The following CACNA1C variants were observed in gnomAD, a reference collection of about 807,000 sequenced individuals.
CACNA1C encodes voltage-dependent L-type calcium channel subunit alpha-1C.
In CACNA1C, 30 loss-of-function variants were observed where a neutral mutation model predicts 229.0. That is an observed-to-expected ratio of 0.13 (90% CI 0.10 to 0.18). The LOEUF (loss-of-function observed/expected upper bound fraction) is 0.18. CACNA1C is among the 10% of genes least tolerant of loss of function. CACNA1C has a pLI of 1.00. For missense variants in CACNA1C, 1,658 were observed against 2,845.0 expected (o/e 0.58, Z 9.49); for synonymous variants, 1,114 against 1,132.5 (o/e 0.98, Z 0.33).
intron 3 of CACNA1C, among the ~76,000 whole-genome samples, chr12:2,352,074 C>G (rs891878561): frequency 6.6e-6 from 1 of 152,222 alleles, no homozygotes; most frequent in Non-Finnish European, 1.5e-5. Flanking sequence ...CACCCTGTCC[C>G]TAGAGCCACA....
intron 15 of CACNA1C, among the ~76,000 whole-genome samples, chr12:2,583,733 G>A (rs1308252023): frequency 6.6e-6 from 1 of 152,180 alleles, no homozygotes; most frequent in African/African-American, 2.4e-5. Flanking sequence ...CTACATAAAG[G>A]GTCGTTGGGA....
chr12:2,681,923 A>G (rs1313384882), intron 42 of CACNA1C: 2 of 1,315,894 alleles, frequency 1.5e-6, no homozygotes, highest in South Asian at 2.4e-5. Flanking sequence ...GTCCAGAGCT[A>G]AAGATGACCT....
chr12:2,162,273 CT>C (rs1308020039), intron 3 of CACNA1C, among the ~76,000 whole-genome samples: 1 of 151,910 alleles, frequency 6.6e-6, no homozygotes, highest in Non-Finnish European at 1.5e-5. Context: ...CATTCGAGGC[CT>C]CCCTGTCCCC....
intron 1 of CACNA1C, among the ~76,000 whole-genome samples, chr12:2,019,377 T>C (rs2045976887): frequency 6.6e-6 from 1 of 151,970 alleles, no homozygotes; most frequent in Admixed American, 6.6e-5. Context: ...GGCAGATCAC[T>C]TGAGCCCAGG....
At chr12:2,538,041 A>G (rs1239801876) in intron 9 of CACNA1C, among the ~76,000 whole-genome samples, 3 of 151,904 alleles carry the variant, frequency 2.0e-5, no homozygotes, top group Non-Finnish European at 2.9e-5. Context: ...GTGGTGCCCT[A>G]ATGGTGGAGA....
chr12:2,263,288 C>T (rs565966047), intron 3 of CACNA1C, among the ~76,000 whole-genome samples: 5 of 149,990 alleles, frequency 3.3e-5, no homozygotes, highest in South Asian at 4.3e-4. Flanking sequence ...GTATGCCCAG[C>T]GTGTCTGGGA....
Position 2,584,528 on chromosome 12 carries a change from C to T in CACNA1C, c.2250C>T (p.Ala750=). 6.2e-7 allele frequency: 1 copy of T among 1,613,490 alleles called. No individual in the cohort carries two copies. Among genetic ancestry groups the T allele is most frequent in the Non-Finnish European group, 8.5e-7 (1 of 1,179,460 alleles). The change falls in exon 16 of 47, where the codon GCC becomes GCT. Residue 750 remains alanine, a synonymous_variant. Coordinates refer to ENST00000399655, the MANE Select transcript of CACNA1C (RefSeq NM_000719.7). ...ATATCCTACTGAATGTGTTCTTGGC[C>T]ATTGCTGTGGACAACCTGGCTGATG... ...GNYILLNVFL[A]IAVDNLADAE... is the part of the protein sequence containing the mutation.
chr12:2,242,664 T>C (rs2071047382), intron 3 of CACNA1C, among the ~76,000 whole-genome samples: 1 of 152,256 alleles, frequency 6.6e-6, no homozygotes, highest in African/African-American at 2.4e-5. Flanking sequence ...CTGCTCCTAG[T>C]TAGTGAAGCA....
At chr12:2,174,944 G>A (rs2096602986) in intron 3 of CACNA1C, among the ~76,000 whole-genome samples, 2 of 152,158 alleles carry the variant, frequency 1.3e-5, no homozygotes, top group South Asian at 4.2e-4. Context: ...TGAGCAGACT[G>A]AGGAAGAGAA....
intron 3 of CACNA1C, among the ~76,000 whole-genome samples, chr12:2,193,813 A>G (rs1056550817): frequency 1.3e-5 from 2 of 152,130 alleles, no homozygotes; most frequent in East Asian, 3.9e-4. Context: ...GCCAGTCTTT[A>G]TTTTCTACCT....
At chr12:2,227,154 C>T (rs1387307628) in intron 3 of CACNA1C, among the ~76,000 whole-genome samples, 1 of 152,212 alleles carries the variant, frequency 6.6e-6, no homozygotes, top group Non-Finnish European at 1.5e-5. Flanking sequence ...ATCATCCCCT[C>T]CTGACTTTAG....
chr12:1,984,177 C>T (rs2036965653), intron 1 of CACNA1C, among the ~76,000 whole-genome samples: 1 of 151,958 alleles, frequency 6.6e-6, no homozygotes, highest in South Asian at 2.1e-4. Flanking sequence ...CTTTTTTAAT[C>T]CAATCTGGCA....
At chr12:2,450,874 G>A (rs1296494998) in intron 4 of CACNA1C, among the ~76,000 whole-genome samples, 8 of 152,136 alleles carry the variant, frequency 5.3e-5, no homozygotes, top group African/African-American at 9.7e-5. Context: ...AGCACCCGCC[G>A]TTCACCATCT....
chr12:2,427,900 G>A (rs1350910275), intron 3 of CACNA1C, among the ~76,000 whole-genome samples: 6 of 152,136 alleles, frequency 3.9e-5, no homozygotes, highest in South Asian at 2.1e-4. Flanking sequence ...GATTACAGGC[G>A]TGAGCCACCG....
chr12:2,585,115 A>G lies in CACNA1C; in HGVS notation c.2340-261A>G, dbSNP rs2061937016. 6.6e-6 allele frequency among the ~76,000 whole-genome samples: 1 copy of G among 152,186 alleles called. No individual in the cohort carries two copies. Among genetic ancestry groups the G allele is most frequent in the Non-Finnish European group, 1.5e-5 (1 of 68,028 alleles). On this transcript the variant is annotated intron_variant, in intron 16 of 46. Transcript: ENST00000399655. This position sits in a 1 kb window ranked among gnomAD's most constrained non-coding sequence, Gnocchi z 4.1. ...GAGCCAATCCTAGATGAGATCCACC[A>G]TCCTTTTCTGCTTTGGCGACCCAGG...
chr12:2,413,602 T>G (rs991251943), intron 3 of CACNA1C, among the ~76,000 whole-genome samples: 1 of 152,324 alleles, frequency 6.6e-6, no homozygotes, highest in Middle Eastern at 3.4e-3. Context: ...GCTGCAAAAC[T>G]GCTGTGTTTG....
rs377701416 is a variant in CACNA1C, at chr12:2,404,825, G to T, written c.478-44151G>T. On this transcript the variant is annotated intron_variant, in intron 3 of 46. Coordinates refer to ENST00000399655, the MANE Select transcript of CACNA1C (RefSeq NM_000719.7). Reference sequence around the variant, plus strand: ...GATTTTTTTTGTGGCTTTTCTTTGTGAAGAGTTAAGCATGAAGGACCGAGG... The same window carrying T: ...GATTTTTTTTGTGGCTTTTCTTTGTTAAGAGTTAAGCATGAAGGACCGAGG... 1.7e-3 allele frequency among the ~76,000 whole-genome samples: 258 copies of T among 152,318 alleles called. 1 individual carries two copies. The highest frequency in any genetic ancestry group is 6.0e-3 in the African/African-American group (248 of 41,564).
intron 7 of CACNA1C, among the ~76,000 whole-genome samples, chr12:2,503,611 G>T (rs773393933): frequency 7.2e-5 from 11 of 152,324 alleles, no homozygotes; most frequent in Non-Finnish European, 1.5e-4. Flanking sequence ...ACCATGGTCA[G>T]TTTCAAGCTG....
intron 21 of CACNA1C, among the ~76,000 whole-genome samples, chr12:2,600,213 C>T (rs936082038): frequency 2.0e-5 from 3 of 152,152 alleles, no homozygotes; most frequent in African/African-American, 7.2e-5. Flanking sequence ...CAGCTCTTCA[C>T]CAAGAGGCAG....
Sources: allele counts gnomAD v4.1 joint callset (sites outside exome capture counted in the v4.1 genomes callset), GRCh38; gene constraint gnomAD v4.1.1; non-coding constraint Gnocchi (gnomAD v3.1); transcripts MANE v1.5; gene names NCBI Gene and HGNC (gene_info 2026-07-23, HGNC 2026-07-21).